The following CAMK1D variants were observed in gnomAD, a reference collection of about 807,000 sequenced individuals.
CAMK1D encodes calcium/calmodulin dependent protein kinase ID, also known as calcium/calmodulin-dependent protein kinase type 1D.
In CAMK1D, 9 loss-of-function variants were observed where a neutral mutation model predicts 47.7. The observed-to-expected ratio is 0.19, with a 90% CI of 0.11 to 0.33. CAMK1D has a LOEUF of 0.33. CAMK1D is among the 10% of genes least tolerant of loss of function. CAMK1D has a pLI of 1.00. For missense variants in CAMK1D, 291 were observed against 488.7 expected (o/e 0.60, Z 3.81); for synonymous variants, 184 against 184.9 (o/e 0.99, Z 0.04).
intron 1 of CAMK1D, among the ~76,000 whole-genome samples, chr10:12,361,742 G>C (rs1588404199): frequency 2.0e-5 from 3 of 151,378 alleles, no homozygotes; most frequent in Non-Finnish European, 4.4e-5. Context: ...TTTTAGTAGA[G>C]ACGAGGTTTC....
intron 3 of CAMK1D, among the ~76,000 whole-genome samples, chr10:12,701,620 C>T (rs1303999905): frequency 6.6e-6 from 1 of 152,200 alleles, no homozygotes; most frequent in Non-Finnish European, 1.5e-5. Flanking sequence ...CTTTCTACAT[C>T]AAAATGTTTA....
chr10:12,500,273 A>G (rs1834661017), intron 1 of CAMK1D, among the ~76,000 whole-genome samples: 1 of 152,182 alleles, frequency 6.6e-6, no homozygotes, highest in Non-Finnish European at 1.5e-5. Flanking sequence ...TTTCAAAAAC[A>G]CAAAACAAAA....
At chr10:12,765,039 G>C (rs574527964) in intron 4 of CAMK1D, among the ~76,000 whole-genome samples, 1 of 152,296 alleles carries the variant, frequency 6.6e-6, no homozygotes, top group East Asian at 1.9e-4. Flanking sequence ...AGGTTGCAGT[G>C]AGCTGAGATT....
chr10:12,604,670 A>C (rs1255063263), intron 2 of CAMK1D, among the ~76,000 whole-genome samples: 1 of 152,154 alleles, frequency 6.6e-6, no homozygotes, highest in Non-Finnish European at 1.5e-5. Context: ...CAAATGTTTC[A>C]GGTTCCAGTT....
intron 2 of CAMK1D, among the ~76,000 whole-genome samples, chr10:12,575,531 C>A (rs988476264): frequency 6.6e-6 from 1 of 152,202 alleles, no homozygotes; most frequent in African/African-American, 2.4e-5. Flanking sequence ...AATCTCCAGC[C>A]TTCATGTCTC....
chr10:12,618,254 T>C (rs1470223692), intron 2 of CAMK1D, among the ~76,000 whole-genome samples: 4 of 152,224 alleles, frequency 2.6e-5, no homozygotes, highest in Non-Finnish European at 5.9e-5. Flanking sequence ...TAATTTTTTT[T>C]TTCATTTTGT....
chr10:12,572,706 A>T (rs1384026524), intron 2 of CAMK1D, among the ~76,000 whole-genome samples: 4 of 152,092 alleles, frequency 2.6e-5, no homozygotes, highest in Non-Finnish European at 5.9e-5. Flanking sequence ...ATCACAGCTC[A>T]TTGTAGCCTC....
intron 1 of CAMK1D, among the ~76,000 whole-genome samples, chr10:12,526,794 T>A (rs1174048443): frequency 1.3e-5 from 2 of 151,198 alleles, no homozygotes; most frequent in Non-Finnish European, 2.9e-5. Flanking sequence ...GGTGCACGCC[T>A]GTAGTCCCAG....
At chr10:12,669,969 C>T (rs377294857) in intron 3 of CAMK1D, among the ~76,000 whole-genome samples, 1 of 151,932 alleles carries the variant, frequency 6.6e-6, no homozygotes. Flanking sequence ...CGGACTCTAT[C>T]GAGTGAAGTT....
intron 1 of CAMK1D, among the ~76,000 whole-genome samples, chr10:12,372,795 A>AT (rs35222908): frequency 2.6e-5 from 4 of 151,714 alleles, no homozygotes; most frequent in Admixed American, 6.6e-5. Flanking sequence ...GGCTCAGCTA[A>AT]TTTTTTTGCA....
intron 1 of CAMK1D, among the ~76,000 whole-genome samples, chr10:12,465,968 A>C (rs1833576723): frequency 6.6e-6 from 1 of 152,214 alleles, no homozygotes; most frequent in African/African-American, 2.4e-5. Flanking sequence ...TCAATTTCTG[A>C]GTAACCAGGA....
intron 3 of CAMK1D, among the ~76,000 whole-genome samples, chr10:12,730,025 A>G (rs897180398): frequency 2.0e-5 from 3 of 152,174 alleles, no homozygotes; most frequent in African/African-American, 7.2e-5. Flanking sequence ...ACAGAGGCGA[A>G]TTGTGATCCC....
chr10:12,443,307 G>C (rs1021650025), intron 1 of CAMK1D, among the ~76,000 whole-genome samples: 1 of 152,200 alleles, frequency 6.6e-6, no homozygotes, highest in African/African-American at 2.4e-5. Context: ...AACAGAGAGG[G>C]CTAACCTATG....
At chr10:12,594,445 C>G (rs1838085555) in intron 2 of CAMK1D, among the ~76,000 whole-genome samples, 2 of 152,184 alleles carry the variant, frequency 1.3e-5, no homozygotes, top group African/African-American at 4.8e-5. Flanking sequence ...GGGTTAATTT[C>G]ACTTGTATTT....
At position 12,418,351 on chromosome 10, in the gene CAMK1D, T is replaced by A. The variant is rs549377415; in HGVS notation, c.92+68441T>A. ...CTGGGCATCTGGCTCATGCATGTAA[T>A]CCCAGCACTTTGGGAGGCTGAGATG... On this transcript the variant is annotated intron_variant, in intron 1 of 10. Coordinates refer to ENST00000619168, the MANE Select transcript of CAMK1D (RefSeq NM_153498.4). Among the ~76,000 whole-genome samples, 5 of 152,310 alleles carry A rather than the reference T, an allele frequency of 3.3e-5. No homozygotes were observed. The Middle Eastern group carries it at 0.01, about 311-fold the overall frequency.
Position 12,494,137 on chromosome 10 carries a change from T to C in CAMK1D, c.93-59088T>C, listed in dbSNP as rs1049731390. Among the ~76,000 whole-genome samples, 5 of 152,150 alleles carry C rather than the reference T, an allele frequency of 3.3e-5. No individual in the cohort carries two copies. In the South Asian group the frequency reaches 6.2e-4, roughly 19 times the overall value. On this transcript the variant is annotated intron_variant, in intron 1 of 10. Coordinates refer to ENST00000619168, the MANE Select transcript of CAMK1D (RefSeq NM_153498.4). Reference sequence around the variant, plus strand: ...AGGAGTCATGAAAAGCCCAGCAACATTGGGTGTCTCACGTCTGATGGGTGT... The same window carrying C: ...AGGAGTCATGAAAAGCCCAGCAACACTGGGTGTCTCACGTCTGATGGGTGT...
Position 12,538,514 on chromosome 10 carries a change from A to G in CAMK1D, c.93-14711A>G, listed in dbSNP as rs546869733. The stretch of plus-strand genomic sequence containing the variant: ...AGCACTGAATTGTATGGCACGTGGG[A>G]CAGTGTTAAATCATGCTAGTATTAC... On this transcript the variant is annotated intron_variant, in intron 1 of 10. Transcript: ENST00000619168. Among the ~76,000 whole-genome samples, 3 of 152,286 alleles carry G rather than the reference A, an allele frequency of 2.0e-5. No individual in the cohort carries two copies. The South Asian group carries it at 6.2e-4, about 32-fold the overall frequency.
At chr10:12,798,038 C>T (rs778893948) in intron 6 of CAMK1D, among the ~76,000 whole-genome samples, 4 of 152,152 alleles carry the variant, frequency 2.6e-5, no homozygotes, top group Non-Finnish European at 4.4e-5. Context: ...TGGAATGCAC[C>T]AACTTCTGTG....
At chr10:12,597,357 G>A (rs1166871918) in intron 2 of CAMK1D, among the ~76,000 whole-genome samples, 1 of 152,094 alleles carries the variant, frequency 6.6e-6, no homozygotes, top group Non-Finnish European at 1.5e-5. Context: ...CAGTAACTGA[G>A]GCCAGGACCT....
Sources: gnomAD v4.1 joint callset for allele counts (sites outside exome capture counted in the v4.1 genomes callset) on GRCh38, gnomAD v4.1.1 for gene constraint, MANE v1.5 for transcripts, NCBI Gene and HGNC (gene_info 2026-07-23, HGNC 2026-07-21) for gene names.